LETM1: variants seen among roughly 807,000 people sequenced by gnomAD.
LETM1 encodes leucine zipper and EF-hand containing transmembrane protein 1.
In LETM1, 50 loss-of-function variants were observed where a neutral mutation model predicts 74.5. The ratio of observed to expected loss-of-function variants is 0.67; its 90% CI spans 0.53 to 0.85. LETM1 has a LOEUF of 0.85. Ranked by LOEUF, LETM1 falls within the 40% of genes least tolerant of loss-of-function variation. LETM1 has a pLI of 0.00. For missense variants in LETM1, 824 were observed against 967.8 expected, an observed-to-expected ratio of 0.85 and a Z score of 1.97; for synonymous variants, 446 against 407.1, an observed-to-expected ratio of 1.10 and a Z score of -1.15.
At chr4:1,854,201 G>A (rs1713160704) in intron 1 of LETM1, among the ~76,000 whole-genome samples, 1 of 152,206 alleles carries the variant, frequency 6.6e-6, no homozygotes, top group Non-Finnish European at 1.5e-5. Flanking sequence ...ACAAGAATTG[G>A]CCAGGCGAGG....
chr4:1,844,592 G>A (rs1414598711), intron 2 of LETM1, among the ~76,000 whole-genome samples: 3 of 152,016 alleles, frequency 2.0e-5, no homozygotes, highest in Non-Finnish European at 2.9e-5. Flanking sequence ...ATTAGCAGGC[G>A]TGGTGGCACA....
intron 10 of LETM1, among the ~76,000 whole-genome samples, chr4:1,820,922 G>C (rs1157978746): frequency 6.6e-6 from 1 of 151,978 alleles, no homozygotes; most frequent in East Asian, 1.9e-4. Context: ...TACTCGGGAG[G>C]CTGAGGCAGG....
intron 6 of LETM1, among the ~76,000 whole-genome samples, chr4:1,828,880 TC>T (rs1712138740): frequency 1.1e-5 from 1 of 93,148 alleles, no homozygotes; most frequent in Non-Finnish European, 2.1e-5. Context: ...CCCACCTCCC[TC>T]CCGGACGGGG....
At chr4:1,823,191 C>T (rs953850228) in intron 8 of LETM1, 60 bp from the exon 9 acceptor site, 303 of 1,522,718 alleles carry the variant, frequency 2.0e-4, no homozygotes, top group Non-Finnish European at 2.6e-4. Flanking sequence ...CCTGCTGCCC[C>T]TCACCTCTGT....
intron 2 of LETM1, among the ~76,000 whole-genome samples, chr4:1,846,152 C>T (rs371542267): frequency 6.0e-4 from 91 of 152,122 alleles, no homozygotes; most frequent in African/African-American, 2.1e-3. Flanking sequence ...CCACTGCGCC[C>T]GGCCTCATCC....
chr4:1,834,898 T>G lies in LETM1; in HGVS notation c.823A>C (p.Asn275His), dbSNP rs1712408768. Residue 275 changes from asparagine to histidine, a missense_variant, in exon 5 of 14, where the codon AAC becomes CAC. Around this residue, in one of 4 missense-constraint regions of LETM1, gnomAD observed 269 missense variants for 348.8 expected, o/e 0.77. Coordinates refer to ENST00000302787, the MANE Select transcript of LETM1 (RefSeq NM_012318.3). This position sits in a 1 kb window ranked among gnomAD's most constrained non-coding sequence, Gnocchi z 5.0. The stretch of plus-strand genomic sequence containing the variant: ...GTGGCGCTGCCCTTGGCTGCCTTGT[T>G]CTTCAAGGCCATCTCCTCGATGGTG... ...QDTIEEMALK[N>H]KAAKGSATKD... 1 of 1,614,174 alleles carries G rather than the reference T, an allele frequency of 6.2e-7. No individual in the cohort carries two copies. Among genetic ancestry groups the G allele is most frequent in the East Asian group, 2.2e-5 (1 of 44,882 alleles).
In LETM1 at chr4:1,813,037, G is replaced by A. The variant is rs1007355451; in HGVS notation, c.*1387C>T. On this transcript the variant is annotated 3_prime_UTR_variant, in exon 14 of 14. Coordinates refer to ENST00000302787, the MANE Select transcript of LETM1 (RefSeq NM_012318.3). Reference sequence around the variant, plus strand: ...ACGAACACCAGGCTACTTACACAGGGTGAGAGAATTCATAAATATTAGTTA... The same window carrying A: ...ACGAACACCAGGCTACTTACACAGGATGAGAGAATTCATAAATATTAGTTA... 6.6e-6 allele frequency: 1 copy of A among 152,360 alleles called. No individual in the cohort carries two copies. Among genetic ancestry groups the A allele is most frequent in the Non-Finnish European group, 1.5e-5 (1 of 68,036 alleles). 9.4% of individuals were successfully genotyped at this position (152,360 alleles called of 1,614,324 possible).
intron 6 of LETM1, among the ~76,000 whole-genome samples, chr4:1,831,988 A>C (rs1712287527): frequency 6.6e-6 from 1 of 152,194 alleles, no homozygotes; most frequent in Admixed American, 6.5e-5. Context: ...CTGAAATCTT[A>C]AGAGCTCCTA....
chr4:1,847,489 C>T (rs1205197536), intron 2 of LETM1, among the ~76,000 whole-genome samples: 2 of 151,922 alleles, frequency 1.3e-5, no homozygotes, highest in Non-Finnish European at 2.9e-5. Context: ...GAACTGGTCC[C>T]CAGGGAGGAA....
At chr4:1,843,977 T>C (rs1157779919) in intron 2 of LETM1, among the ~76,000 whole-genome samples, 1 of 152,198 alleles carries the variant, frequency 6.6e-6, no homozygotes, top group Non-Finnish European at 1.5e-5. Context: ...CACATGGGAA[T>C]ACACCTCCTC....
intron 13 of LETM1, 116 bp downstream of exon 13, chr4:1,815,546 CCT>C (rs1242496272): frequency 4.5e-6 from 5 of 1,118,722 alleles, no homozygotes; most frequent in East Asian, 2.5e-5. Context: ...GACCCAAACC[CCT>C]GACAGGAGGG....
At chr4:1,842,207 G>T (rs1315272801) in intron 2 of LETM1, among the ~76,000 whole-genome samples, 2 of 152,126 alleles carry the variant, frequency 1.3e-5, no homozygotes, top group Non-Finnish European at 2.9e-5. Context: ...GACTTTGGAG[G>T]TCCTCTCCTC....
Position 1,816,749 on chromosome 4 carries a change from G to A in LETM1, c.1909C>T (p.Pro637Ser). 4 of 1,614,102 alleles carry A rather than the reference G, an allele frequency of 2.5e-6. No homozygotes were observed. The highest frequency in any genetic ancestry group is 3.4e-6 in the Non-Finnish European group (4 of 1,179,976). Residue 637 changes from proline to serine, a missense_variant, in exon 12 of 14, where the codon CCG (proline) becomes TCG (serine). By Grantham distance (74) the Pro-to-Ser change is moderately conservative. This residue lies in a region of LETM1 where 161 missense variants were observed against 252.7 expected (regional missense o/e 0.64). Transcript: ENST00000302787. The stretch of plus-strand genomic sequence containing the variant: ...CACCCCGTGGGCATGCCGTTGGCCG[G>A]GGCCAGCTTGCCAGCCTGCTGGTCC... ...EMDQQAGKLAPANGMPTGENV... is the reference protein window; with the variant it reads ...EMDQQAGKLASANGMPTGENV...
Position 1,834,985 on chromosome 4 carries a change from G to A in LETM1, c.739-3C>T. 6.2e-7 allele frequency: 1 copy of A among 1,613,622 alleles called. No individual in the cohort carries two copies. Among genetic ancestry groups the A allele is most frequent in the South Asian group, 1.1e-5 (1 of 91,070 alleles). On this transcript the variant is annotated splice_polypyrimidine_tract_variant and splice_region_variant and intron_variant, in intron 4 of 13. Coordinates refer to ENST00000302787, the MANE Select transcript of LETM1 (RefSeq NM_012318.3). This position sits in a 1 kb window ranked among gnomAD's most constrained non-coding sequence, Gnocchi z 5.0. ...AGCTCCTTCTTCAGCCTCTCCTCCT[G>A]CAAGGGCAGAGAGGGCACTGCATTC...
chr4:1,830,942 T>C (rs1291620094), intron 6 of LETM1, among the ~76,000 whole-genome samples: 1 of 152,188 alleles, frequency 6.6e-6, no homozygotes, highest in African/African-American at 2.4e-5. Flanking sequence ...GAGTTTGCAA[T>C]TGATGATCTG....
At chr4:1,845,168 C>T (rs1712839486) in intron 2 of LETM1, among the ~76,000 whole-genome samples, 1 of 152,072 alleles carries the variant, frequency 6.6e-6, no homozygotes, top group African/African-American at 2.4e-5. Flanking sequence ...CCAGCCTGGG[C>T]GATAGAGTGA....
intron 2 of LETM1, among the ~76,000 whole-genome samples, chr4:1,847,532 G>A (rs1379664297): frequency 2.0e-5 from 3 of 150,512 alleles, no homozygotes; most frequent in African/African-American, 4.9e-5. Context: ...AGAAAATAAC[G>A]GGAGCAGCTA....
At chr4:1,829,176 C>T (rs1712160435) in intron 6 of LETM1, among the ~76,000 whole-genome samples, 2 of 144,140 alleles carry the variant, frequency 1.4e-5, no homozygotes, top group African/African-American at 5.3e-5. Context: ...GGCTGACCCC[C>T]CCCCCACCTC....
intron 8 of LETM1, 73 bp from the exon 9 acceptor site, chr4:1,823,204 T>C: frequency 6.7e-7 from 1 of 1,482,486 alleles, no homozygotes; most frequent in Non-Finnish European, 9.0e-7. Context: ...ACCTCTGTCC[T>C]GTGTCCTGTG....
Sources: allele counts gnomAD v4.1 joint callset (sites outside exome capture counted in the v4.1 genomes callset), GRCh38; gene constraint gnomAD v4.1.1; regional missense constraint gnomAD v4.1.1; non-coding constraint Gnocchi (gnomAD v3.1); transcripts MANE v1.5; gene names NCBI Gene and HGNC (gene_info 2026-07-23, HGNC 2026-07-21).